DIAPH3: variants seen among roughly 807,000 people sequenced by gnomAD.
DIAPH3 encodes protein diaphanous homolog 3.
In DIAPH3, 117 loss-of-function variants were observed where a neutral mutation model predicts 144.3. The observed-to-expected ratio is 0.81, with a 90% confidence interval of 0.70 to 0.95. The LOEUF (loss-of-function observed/expected upper bound fraction) is 0.95. DIAPH3 is among the 40% of genes least tolerant of loss of function. DIAPH3 has a pLI of 0.00. For synonymous variants in DIAPH3, 519 were observed against 488.9 expected (o/e 1.06, Z -0.81); for missense variants, 1,421 against 1,412.7 (o/e 1.01, Z -0.09).
chr13:60,009,334 A>T (rs936005241), intron 8 of DIAPH3, among the ~76,000 whole-genome samples: 2 of 152,172 alleles, frequency 1.3e-5, no homozygotes, highest in Non-Finnish European at 1.5e-5. Flanking sequence ...CTTGATACCC[A>T]TTCTGAAGTC....
At chr13:60,153,418 A>G (rs1951889746) in intron 1 of DIAPH3, 2 of 152,098 alleles carry the variant, frequency 1.3e-5, no homozygotes, top group Admixed American at 1.3e-4. Context: ...TCACTACTTC[A>G]TCTACATCCT....
At chr13:60,125,547 C>T (rs2058969581) in intron 2 of DIAPH3, among the ~76,000 whole-genome samples, 1 of 151,826 alleles carries the variant, frequency 6.6e-6, no homozygotes. Flanking sequence ...ACTCAGCCCC[C>T]TAATTATGTT....
At position 59,874,545 on chromosome 13, in the gene DIAPH3, T is replaced by A. The variant is rs1024619265; in HGVS notation, c.2607+4684A>T. 2.6e-5 allele frequency among the ~76,000 whole-genome samples: 4 copies of A among 152,182 alleles called. 1 individual carries two copies. Among genetic ancestry groups the A allele is most frequent in the African/African-American group, 9.7e-5 (4 of 41,444 alleles). Reference sequence around the variant, plus strand: ...GCCACCCCCTCACCGTCTTAGCACCTACTCCTCAACGCCCATAGCCCCATT... The same window carrying A: ...GCCACCCCCTCACCGTCTTAGCACCAACTCCTCAACGCCCATAGCCCCATT... On this transcript the variant is annotated intron_variant, in intron 21 of 27. Transcript: ENST00000400324.
intron 9 of DIAPH3, among the ~76,000 whole-genome samples, chr13:60,002,970 A>T (rs929880196): frequency 1.8e-4 from 27 of 152,154 alleles, no homozygotes; most frequent in Non-Finnish European, 4.0e-4. Context: ...AGATTAAAGG[A>T]CGGCAGAAAC....
chr13:59,737,970 C>G (rs1299893888), intron 27 of DIAPH3, among the ~76,000 whole-genome samples: 3 of 152,012 alleles, frequency 2.0e-5, no homozygotes, highest in Non-Finnish European at 4.4e-5. Flanking sequence ...AGTTCGAGAC[C>G]AGCCTGGCCA....
At chr13:59,900,284 T>C (rs905922548) in intron 20 of DIAPH3, among the ~76,000 whole-genome samples, 8 of 152,218 alleles carry the variant, frequency 5.3e-5, no homozygotes, top group African/African-American at 1.9e-4. Flanking sequence ...TATCATGATG[T>C]ATTAGAGATT....
chr13:59,697,350 C>T (rs1220336295), intron 27 of DIAPH3, among the ~76,000 whole-genome samples: 1 of 150,050 alleles, frequency 6.7e-6, no homozygotes, highest in African/African-American at 2.5e-5. Context: ...GTGCCAGCTG[C>T]TCAGGAGGCT....
chr13:59,955,406 C>T (rs919280066), intron 17 of DIAPH3, among the ~76,000 whole-genome samples: 77 of 152,250 alleles, frequency 5.1e-4, no homozygotes, highest in African/African-American at 1.4e-3. Flanking sequence ...CCATGTAAGA[C>T]GTGCCTTTAC....
chr13:60,083,288 T>G (rs1443031617), intron 4 of DIAPH3, among the ~76,000 whole-genome samples: 1 of 152,070 alleles, frequency 6.6e-6, no homozygotes, highest in East Asian at 1.9e-4. Context: ...TATTGAAAGC[T>G]GGCAAATAAA....
At chr13:60,132,145 T>G (rs935301847) in intron 2 of DIAPH3, among the ~76,000 whole-genome samples, 1 of 152,230 alleles carries the variant, frequency 6.6e-6, no homozygotes, top group Non-Finnish European at 1.5e-5. Flanking sequence ...AAGTCATTCA[T>G]GTCAAGATCT....
intron 5 of DIAPH3, among the ~76,000 whole-genome samples, chr13:60,031,732 C>CTT (rs1165739891): frequency 0.27 from 17,512 of 64,604 alleles, 6,360 homozygotes; most frequent in Admixed American, 0.35. Context: ...GTCATTAAAT[C>CTT]TTTTTTTTTT....
chr13:60,105,567 C>G (rs1477293126), intron 3 of DIAPH3, among the ~76,000 whole-genome samples: 5 of 152,158 alleles, frequency 3.3e-5, no homozygotes, highest in African/African-American at 1.2e-4. Context: ...CTACTATACT[C>G]TCTCCCTCTT....
chr13:59,876,800 G>A (rs531052928), intron 21 of DIAPH3, among the ~76,000 whole-genome samples: 25 of 152,266 alleles, frequency 1.6e-4, no homozygotes, highest in African/African-American at 1.4e-4. Context: ...ACTTTTGCAC[G>A]AGGAAACAGA....
At chr13:59,705,695 A>G (rs2034380503) in intron 27 of DIAPH3, among the ~76,000 whole-genome samples, 1 of 152,174 alleles carries the variant, frequency 6.6e-6, no homozygotes, top group Non-Finnish European at 1.5e-5. Context: ...TGAACATATA[A>G]TTTTCAAAGT....
At chr13:59,802,583 C>T (rs2039965021) in intron 25 of DIAPH3, among the ~76,000 whole-genome samples, 1 of 127,036 alleles carries the variant, frequency 7.9e-6, no homozygotes, top group Non-Finnish European at 1.7e-5. Flanking sequence ...TTTTTTACTT[C>T]ATGGTTTTTT....
intron 22 of DIAPH3, among the ~76,000 whole-genome samples, chr13:59,854,151 G>A (rs1310777005): frequency 6.6e-6 from 1 of 152,096 alleles, no homozygotes; most frequent in East Asian, 1.9e-4. Flanking sequence ...CAGGCAGAGA[G>A]TGGAGTGATG....
At chr13:59,822,460 G>A (rs2041122299) in intron 24 of DIAPH3, among the ~76,000 whole-genome samples, 1 of 151,212 alleles carries the variant, frequency 6.6e-6, no homozygotes, top group South Asian at 2.1e-4. Flanking sequence ...TTTTTTTTGT[G>A]AGACGGAGTC....
intron 22 of DIAPH3, among the ~76,000 whole-genome samples, chr13:59,847,685 AT>A (rs1380802573): frequency 6.6e-6 from 1 of 152,184 alleles, no homozygotes; most frequent in Non-Finnish European, 1.5e-5. Flanking sequence ...TGGGAGGGCA[AT>A]TTTACTGCTT....
intron 22 of DIAPH3, among the ~76,000 whole-genome samples, chr13:59,855,565 G>C (rs1405881026): frequency 2.6e-5 from 4 of 151,658 alleles, no homozygotes. Flanking sequence ...AAATTCCTAA[G>C]TATACTTACT....
Sources: allele counts gnomAD v4.1 joint callset (sites outside exome capture counted in the v4.1 genomes callset), GRCh38; gene constraint gnomAD v4.1.1; transcripts MANE v1.5; gene names NCBI Gene and HGNC (gene_info 2026-07-23, HGNC 2026-07-21).